The following NRP2 variants were observed in gnomAD, a reference collection of about 807,000 sequenced individuals.
The protein encoded by NRP2 is neuropilin-2.
NRP2 carries 52 observed loss-of-function variants against 110.4 expected under a neutral mutation model. The observed-to-expected ratio is 0.47, with a 90% CI of 0.38 to 0.59. The LOEUF (loss-of-function observed/expected upper bound fraction) is 0.59, where lower values mean the gene tolerates loss of function less well. Among genes scored for constraint, NRP2 ranks in the 20% least tolerant of loss-of-function variants. The pLI is 0.00. For synonymous variants in NRP2, 508 were observed against 468.9 expected (o/e 1.08, Z -1.08); for missense variants, 1,049 against 1,203.0 (o/e 0.87, Z 1.89).
chr2:205,716,504 G>C, intron 3 of NRP2, 130 bp downstream of exon 3: 1 of 697,626 alleles, frequency 1.4e-6, no homozygotes, highest in South Asian at 1.5e-5. Context: ...AGAGGTTCAA[G>C]GTGAACCCAC....
rs1438791902 is a variant in NRP2 at position 205,776,387 on chromosome 2, A to G, written c.2425+9584A>G. On this transcript the variant is annotated intron_variant, in intron 15 of 16. Transcript: ENST00000357785. ...GTCGCGCTGGCCCTGGTGCTCCACT[A>G]CCACCGGTTCCGCTATGCGGCCAAG... 10 of 1,613,402 alleles carry G rather than the reference A, an allele frequency of 6.2e-6. No individual in the cohort carries two copies. Among genetic ancestry groups the G allele is most frequent in the African/African-American group, 1.3e-5 (1 of 74,996 alleles).
chr2:205,705,474 T>A (rs970090485), intron 2 of NRP2, among the ~76,000 whole-genome samples: 2 of 152,250 alleles, frequency 1.3e-5, no homozygotes, highest in African/African-American at 4.8e-5. Flanking sequence ...TGACTTTTTT[T>A]ATGCCTCTTT....
intron 2 of NRP2, among the ~76,000 whole-genome samples, chr2:205,707,931 G>C: frequency 6.6e-6 from 1 of 152,222 alleles, no homozygotes; most frequent in East Asian, 1.9e-4. Flanking sequence ...GGGCACAAAG[G>C]CATGATTCCT....
At chr2:205,683,561 T>C (rs551479820) in intron 1 of NRP2, among the ~76,000 whole-genome samples, 198 bp downstream of exon 1, 1,361 of 36,880 alleles carry the variant, frequency 0.037, 8 homozygotes, top group Non-Finnish European at 0.063. Flanking sequence ...TAGGAGTGTG[T>C]GTGTGTGTGT....
chr2:205,685,204 CG>C, intron 1 of NRP2, among the ~76,000 whole-genome samples: 1 of 152,360 alleles, frequency 6.6e-6, no homozygotes, highest in Non-Finnish European at 1.5e-5. Flanking sequence ...AGCAGTGCTG[CG>C]TCACTTCCAG....
At position 205,765,467 on chromosome 2, in the gene NRP2, C is replaced by T. The variant is rs1396904524; in HGVS notation, c.2308-7C>T. On this transcript the variant is annotated splice_polypyrimidine_tract_variant and splice_region_variant and intron_variant, in intron 13 of 16. Transcript: ENST00000357785. ...TTAACCATGGCTCTTATTCTTCCGG[C>T]TTCTAGATTGTGTTCGAGGGAGTGA... 13 of 1,613,260 alleles carry T rather than the reference C, an allele frequency of 8.1e-6. No individual in the cohort carries two copies. Among genetic ancestry groups the T allele is most frequent in the Non-Finnish European group, 1.0e-5 (12 of 1,179,264 alleles).
Position 205,682,571 on chromosome 2 carries a change from A to G in NRP2, c.-720A>G. The G allele has an allele frequency of 6.5e-6, 1 of 154,160 alleles. No homozygotes were observed. The highest frequency in any genetic ancestry group is 1.5e-5 in the Non-Finnish European group (1 of 68,818). The allele number at this position is 154,160 out of a possible 1,614,324, so 9.5% of individuals were successfully genotyped here. On this transcript the variant is annotated 5_prime_UTR_variant, in exon 1 of 17. Coordinates refer to ENST00000357785, the MANE Select transcript of NRP2 (RefSeq NM_003872.3). This position sits in a 1 kb window ranked among gnomAD's most constrained non-coding sequence, Gnocchi z 4.3. ...TCCTCAGCCGCACAGACACTCGGCG[A>G]GGTGGAGGTGAGGGCGGGCGCCAGC...
chr2:205,726,355 T>A (rs555547210), intron 6 of NRP2, among the ~76,000 whole-genome samples: 9 of 152,330 alleles, frequency 5.9e-5, no homozygotes, highest in African/African-American at 2.2e-4. Flanking sequence ...CCTATCACTA[T>A]AGATATCCAA....
At chr2:205,745,117 C>G (rs1246759606) in intron 9 of NRP2, among the ~76,000 whole-genome samples, 1 of 152,174 alleles carries the variant, frequency 6.6e-6, no homozygotes, top group African/African-American at 2.4e-5. Flanking sequence ...GCCCCCTGCT[C>G]CCCGCATCAT....
chr2:205,788,095 G>T (rs146128900), intron 15 of NRP2, among the ~76,000 whole-genome samples: 2 of 152,172 alleles, frequency 1.3e-5, no homozygotes, highest in African/African-American at 4.8e-5. Context: ...AGCCACCCTG[G>T]TCTCTCATTC....
chr2:205,748,529 A>G (rs2057582166), intron 10 of NRP2, among the ~76,000 whole-genome samples: 1 of 152,222 alleles, frequency 6.6e-6, no homozygotes, highest in Non-Finnish European at 1.5e-5. Flanking sequence ...GGAAGTATGA[A>G]AGGTTATGTG....
At chr2:205,766,355 C>T (rs1474025591) in intron 14 of NRP2, among the ~76,000 whole-genome samples, 1 of 152,184 alleles carries the variant, frequency 6.6e-6, no homozygotes, top group Non-Finnish European at 1.5e-5. Context: ...CAGTAACTCA[C>T]CAACTGCCTT....
intron 10 of NRP2, among the ~76,000 whole-genome samples, chr2:205,748,406 T>C (rs1054542241): frequency 6.6e-6 from 1 of 152,236 alleles, no homozygotes; most frequent in Non-Finnish European, 1.5e-5. Flanking sequence ...TACTGCCCCA[T>C]AGTTTGCTTT....
At chr2:205,727,488 G>C (rs990109896) in intron 6 of NRP2, among the ~76,000 whole-genome samples, 2 of 152,194 alleles carry the variant, frequency 1.3e-5, no homozygotes, top group Non-Finnish European at 2.9e-5. Context: ...GGCATTATAA[G>C]TGAGTTGGAT....
chr2:205,765,750 G>A (rs2057907333), intron 14 of NRP2, 180 bp downstream of exon 14: 4 of 740,802 alleles, frequency 5.4e-6, no homozygotes, highest in Middle Eastern at 3.1e-4. Flanking sequence ...AGGGTGGGAA[G>A]GGGTGTGAGG....
At chr2:205,684,664 C>G (rs977608051) in intron 1 of NRP2, among the ~76,000 whole-genome samples, 2 of 152,222 alleles carry the variant, frequency 1.3e-5, no homozygotes, top group Admixed American at 1.3e-4. Flanking sequence ...GTTTGCAGCT[C>G]TTTCTTTGCC....
At chr2:205,758,874 C>G (rs1420012762) in intron 12 of NRP2, among the ~76,000 whole-genome samples, 2 of 152,194 alleles carry the variant, frequency 1.3e-5, no homozygotes, top group Non-Finnish European at 2.9e-5. Flanking sequence ...TCTTGACAAT[C>G]CAAAGGGCTT....
At chr2:205,721,247 G>A (rs1372223180) in intron 3 of NRP2, among the ~76,000 whole-genome samples, 1 of 152,144 alleles carries the variant, frequency 6.6e-6, no homozygotes, top group Non-Finnish European at 1.5e-5. Context: ...GAGCCCCAGA[G>A]GACACTTCCT....
rs372509246 is a variant in NRP2 at position 205,749,746 on chromosome 2, C to A, written c.1808C>A (p.Thr603Lys). ...ACAGACTCCAAGCCCACGGTAGAGA[C>A]GCTGGGACCCACTGTGAAGAGCGAA... Reference protein sequence around the residue: ...DWTDSKPTVETLGPTVKSEET... With the variant: ...DWTDSKPTVEKLGPTVKSEET... The change falls in exon 11 of 17, where the codon ACG becomes AAG. Residue 603 changes from threonine (T) to lysine (K), a missense_variant. Transcript: ENST00000357785. The A allele has an allele frequency of 6.2e-7, 1 of 1,614,122 alleles. No homozygotes were observed. Among genetic ancestry groups the A allele is most frequent in the South Asian group, 1.1e-5 (1 of 91,082 alleles).
Sources: gnomAD v4.1 joint callset for allele counts (sites outside exome capture counted in the v4.1 genomes callset) on GRCh38, gnomAD v4.1.1 for gene constraint, Gnocchi (gnomAD v3.1) non-coding constraint, MANE v1.5 for transcripts, NCBI Gene and HGNC (gene_info 2026-07-23, HGNC 2026-07-21) for gene names.